Variants in FHIT observed in about 807,000 individuals in gnomAD.
FHIT encodes fragile histidine triad diadenosine triphosphatase.
Under a neutral mutation model 17.9 loss-of-function variants are expected in FHIT, and 19 were observed. The ratio of observed to expected loss-of-function variants is 1.06; its 90% CI spans 0.74 to 1.56. The LOEUF is 1.56. Ranked by LOEUF, FHIT falls within the 40% of genes most tolerant of loss-of-function variation. The pLI is 0.00. For missense variants in FHIT, 248 were observed against 189.2 expected, an observed-to-expected ratio of 1.31 and a Z score of -1.82; for synonymous variants, 81 against 69.7, an observed-to-expected ratio of 1.16 and a Z score of -0.81.
At chr3:60,890,827 C>T (rs1283717826) in intron 3 of FHIT, among the ~76,000 whole-genome samples, 5 of 152,228 alleles carry the variant, frequency 3.3e-5, no homozygotes, top group African/African-American at 4.8e-5. Flanking sequence ...TCTTAGGCTA[C>T]GTCCCTTCAG....
At chr3:60,389,997 T>A (rs1214014470) in intron 5 of FHIT, among the ~76,000 whole-genome samples, 7 of 152,146 alleles carry the variant, frequency 4.6e-5, no homozygotes, top group Non-Finnish European at 1.0e-4. Context: ...AAAACGCTTT[T>A]CACACATTCC....
rs193136759 is a variant in FHIT, at chr3:60,097,046, T to G, written c.104-82894A>C. ...TATTAAAAAAAAAAAAAAAAAGGAA[T>G]AGAAGAACTCGAGTCCTTAAAGAAT... On this transcript the variant is annotated intron_variant, in intron 5 of 9. Transcript: ENST00000492590. Among the ~76,000 whole-genome samples the G allele has an allele frequency of 3.9e-3, 423 of 107,496 alleles. 3 individuals are homozygous for G. Among genetic ancestry groups the G allele is most frequent in the Admixed American group, 6.7e-3 (66 of 9,826 alleles). The allele number at this position is 107,496 out of a possible 152,430, so 70.5% of individuals were successfully genotyped here. A position where few individuals can be genotyped will look rare whatever the true frequency, so the allele number is the denominator to read the frequency against.
chr3:60,130,822 TATAGGTGTGTACATAC>T (rs1699528849), intron 5 of FHIT, among the ~76,000 whole-genome samples: 2 of 149,628 alleles, frequency 1.3e-5, no homozygotes, highest in Non-Finnish European at 3.0e-5. Context: ...TGTATGTGTG[TATAGGTGTGTACATAC>T]ATACACATAC....
chr3:61,018,840 T>G (rs1039802901), intron 3 of FHIT, among the ~76,000 whole-genome samples: 1 of 152,192 alleles, frequency 6.6e-6, no homozygotes, highest in Non-Finnish European at 1.5e-5. Context: ...CTTAAGCCCC[T>G]GTTGAAACTA....
At chr3:60,662,101 A>G (rs980844767) in intron 4 of FHIT, among the ~76,000 whole-genome samples, 3 of 152,140 alleles carry the variant, frequency 2.0e-5, no homozygotes, top group Non-Finnish European at 4.4e-5. Flanking sequence ...TTTCGTAGTC[A>G]TGAAGTCTTT....
chr3:60,481,687 G>A (rs960471715), intron 5 of FHIT, among the ~76,000 whole-genome samples: 1 of 152,120 alleles, frequency 6.6e-6, no homozygotes, highest in Non-Finnish European at 1.5e-5. Context: ...ACTAAATAAG[G>A]AAAGGAGAAA....
chr3:60,857,566 A>ATAAAT (rs1553750291), intron 3 of FHIT, among the ~76,000 whole-genome samples: 51 of 152,218 alleles, frequency 3.4e-4, no homozygotes, highest in African/African-American at 1.2e-3. Flanking sequence ...TGCTTGCCAC[A>ATAAAT]GAGTTAGCAT....
intron 8 of FHIT, among the ~76,000 whole-genome samples, chr3:59,807,488 A>T (rs1700249284): frequency 6.6e-6 from 1 of 152,288 alleles, no homozygotes; most frequent in South Asian, 2.1e-4. Flanking sequence ...TCCATTTTAC[A>T]GGTGAAGAAA....
chr3:60,965,915 G>A (rs12330767), intron 3 of FHIT, among the ~76,000 whole-genome samples: 38,287 of 152,078 alleles, frequency 0.25, 5,150 homozygotes, highest in Middle Eastern at 0.34. Context: ...CATTCTGTCC[G>A]TTCTCAGATC....
chr3:61,024,370 C>G (rs1042914537), intron 3 of FHIT, among the ~76,000 whole-genome samples: 1 of 152,208 alleles, frequency 6.6e-6, no homozygotes, highest in East Asian at 1.9e-4. Context: ...CGTTTAAATA[C>G]AAACTTTCTT....
intron 5 of FHIT, among the ~76,000 whole-genome samples, chr3:60,239,656 CA>C (rs1346692907): frequency 6.6e-6 from 1 of 152,092 alleles, no homozygotes; most frequent in Non-Finnish European, 1.5e-5. Flanking sequence ...TTCTAACAAG[CA>C]AAAGTTTCCC....
rs1331843861 is a variant in FHIT at position 60,444,417 on chromosome 3, C to T, written c.103+92443G>A. 1.1e-4 allele frequency among the ~76,000 whole-genome samples: 17 copies of T among 152,234 alleles called. No individual in the cohort carries two copies. In the East Asian group the frequency reaches 3.1e-3, roughly 28 times the overall value. On this transcript the variant is annotated intron_variant, in intron 5 of 9. Transcript: ENST00000492590. ...CACGTATGTTTATTGCGGCACTACT[C>T]ACAATAGCAAAGACTTGGAACCAAC...
At chr3:60,966,007 C>G (rs527794992) in intron 3 of FHIT, among the ~76,000 whole-genome samples, 3 of 152,300 alleles carry the variant, frequency 2.0e-5, no homozygotes, top group African/African-American at 4.8e-5. Flanking sequence ...TTTCTGCTGC[C>G]TTTTTTTCAG....
intron 5 of FHIT, among the ~76,000 whole-genome samples, chr3:60,347,623 C>T (rs1710848048): frequency 8.0e-6 from 1 of 125,320 alleles, no homozygotes; most frequent in Non-Finnish European, 1.5e-5. Context: ...TGATTCTCCA[C>T]TTGGAAGCAA....
In FHIT at chr3:60,686,424, T is replaced by C. The variant is rs534260637; in HGVS notation, c.-18+135495A>G. Reference sequence around the variant, plus strand: ...GTAATTGCAAAACCACGATTACTTTTGCACCAACCTAATATTTTTATGACC... The same window carrying C: ...GTAATTGCAAAACCACGATTACTTTCGCACCAACCTAATATTTTTATGACC... On this transcript the variant is annotated intron_variant, in intron 4 of 9. Coordinates refer to ENST00000492590, the MANE Select transcript of FHIT (RefSeq NM_002012.4). Among the ~76,000 whole-genome samples the C allele has an allele frequency of 3.7e-4, 57 of 152,174 alleles. 2 individuals are homozygous for C. Among genetic ancestry groups the C allele is most frequent in the Non-Finnish European group, 5.1e-4 (35 of 68,028 alleles).
At chr3:60,729,115 T>G (rs2107982375) in intron 4 of FHIT, among the ~76,000 whole-genome samples, 1 of 152,322 alleles carries the variant, frequency 6.6e-6, no homozygotes, top group Non-Finnish European at 1.5e-5. Context: ...GTGCCCTGGT[T>G]AAACAGTGGC....
At chr3:60,083,991 G>A (rs542388203) in intron 5 of FHIT, among the ~76,000 whole-genome samples, 14 of 152,204 alleles carry the variant, frequency 9.2e-5, no homozygotes, top group South Asian at 8.3e-4. Context: ...TAACTGGCAC[G>A]TTTATGTATT....
intron 5 of FHIT, among the ~76,000 whole-genome samples, chr3:60,336,336 C>A (rs865985551): frequency 6.6e-6 from 1 of 152,166 alleles, no homozygotes; most frequent in Non-Finnish European, 1.5e-5. Context: ...GACAGGTGAG[C>A]GCCATTTTGG....
chr3:60,487,132 G>A (rs979956569), intron 5 of FHIT, among the ~76,000 whole-genome samples: 1 of 152,170 alleles, frequency 6.6e-6, no homozygotes, highest in Non-Finnish European at 1.5e-5. Flanking sequence ...GAAAGGTTTG[G>A]TGACTTGATC....
Sources: gnomAD v4.1 joint callset for allele counts (sites outside exome capture counted in the v4.1 genomes callset) on GRCh38, gnomAD v4.1.1 for gene constraint, MANE v1.5 for transcripts, NCBI Gene and HGNC (gene_info 2026-07-23, HGNC 2026-07-21) for gene names.